Variants in AIF1L observed in about 807,000 individuals in gnomAD.
The protein encoded by AIF1L is allograft inflammatory factor 1-like.
Under a neutral mutation model 20.7 loss-of-function variants are expected in AIF1L, and 12 were observed. The ratio of observed to expected loss-of-function variants is 0.58; its 90% confidence interval spans 0.37 to 0.94. The LOEUF (loss-of-function observed/expected upper bound fraction) is 0.94, where lower values mean the gene tolerates loss of function less well. AIF1L is among the 40% of genes least tolerant of loss of function. AIF1L has a pLI of 0.01. For synonymous variants in AIF1L, 76 were observed against 65.1 expected (o/e 1.17, Z -0.81); for missense variants, 173 against 185.3 (o/e 0.93, Z 0.39).
intron 2 of AIF1L, 43 bp downstream of exon 2, chr9:131,096,906 C>T: frequency 6.7e-7 from 1 of 1,496,468 alleles, no homozygotes. Context: ...CCGAGCCGCG[C>T]GCTGCGCGGG....
intron 2 of AIF1L, among the ~76,000 whole-genome samples, chr9:131,097,405 G>T (rs538729395): frequency 6.6e-6 from 1 of 151,516 alleles, no homozygotes; most frequent in Non-Finnish European, 1.5e-5. Context: ...TTGTTATAAG[G>T]GATTCAAAAG....
intron 2 of AIF1L, among the ~76,000 whole-genome samples, chr9:131,104,434 C>T (rs1417439289): frequency 1.3e-5 from 2 of 152,240 alleles, no homozygotes; most frequent in African/African-American, 4.8e-5. Flanking sequence ...AGGTAACTCC[C>T]AGTATTGACT....
At chr9:131,096,746 G>A in intron 1 of AIF1L, 56 bp from the exon 2 acceptor site, 1 of 1,491,404 alleles carries the variant, frequency 6.7e-7, no homozygotes, top group Non-Finnish European at 8.9e-7. Context: ...GCGGGGACGG[G>A]GGCGCGTGGC....
intron 4 of AIF1L, among the ~76,000 whole-genome samples, chr9:131,115,974 CAA>C (rs148734354): frequency 3.0e-4 from 25 of 82,196 alleles, no homozygotes; most frequent in Admixed American, 8.6e-4. Flanking sequence ...GACTTCGTCT[CAA>C]AAAAAAAAAA....
intron 4 of AIF1L, 52 bp downstream of exon 4, chr9:131,114,670 G>T (rs533042982): frequency 6.2e-7 from 1 of 1,607,008 alleles, no homozygotes; most frequent in East Asian, 2.2e-5. Flanking sequence ...GTGGGTAGAG[G>T]GCTTGAGGGA....
intron 3 of AIF1L, among the ~76,000 whole-genome samples, chr9:131,113,042 C>T (rs959952142): frequency 9.2e-5 from 14 of 152,102 alleles, no homozygotes; most frequent in Admixed American, 2.6e-4. Flanking sequence ...GCAGCTCCCA[C>T]CCGGGAGCCT....
At chr9:131,113,381 C>T (rs961831593) in intron 3 of AIF1L, among the ~76,000 whole-genome samples, 1 of 151,608 alleles carries the variant, frequency 6.6e-6, no homozygotes, top group East Asian at 1.9e-4. Flanking sequence ...GCCTGTAATG[C>T]CAGCTACTCG....
rs368676925 is a variant in AIF1L, at chr9:131,111,654, G to A, written c.151G>A (p.Ala51Thr). The A allele has an allele frequency of 5.5e-5, 89 of 1,613,878 alleles. No homozygotes were observed. The Middle Eastern group carries it at 9.9e-4, about 18-fold the overall frequency. The change falls in exon 3 of 6, where the codon GCC (alanine) becomes ACC (threonine). Residue 51 changes from alanine (A) to threonine (T), a missense_variant. Ala to Thr is a moderately conservative substitution (Grantham distance 58). Coordinates refer to ENST00000247291, the MANE Select transcript of AIF1L (RefSeq NM_031426.4). ...AGAGAACCTTCCAGAAAAGCTCACA[G>A]CCTTCAAAGGTAAGCTGGGGCGGGC... is the stretch of plus-strand genomic sequence containing the variant. ...DEENLPEKLT[A>T]FKEKYMEFDL...
At chr9:131,104,435 A>G (rs911277898) in intron 2 of AIF1L, among the ~76,000 whole-genome samples, 3 of 152,232 alleles carry the variant, frequency 2.0e-5, no homozygotes, top group Non-Finnish European at 4.4e-5. Context: ...GGTAACTCCC[A>G]GTATTGACTT....
intron 2 of AIF1L, among the ~76,000 whole-genome samples, chr9:131,104,595 G>A (rs759621043): frequency 6.6e-6 from 1 of 152,174 alleles, no homozygotes; most frequent in Non-Finnish European, 1.5e-5. Context: ...CTGGAAAGAG[G>A]AGAGAGAAAT....
At chr9:131,111,462 G>C in intron 2 of AIF1L, 135 bp from the exon 3 acceptor site, 1 of 771,068 alleles carries the variant, frequency 1.3e-6, no homozygotes, top group Non-Finnish European at 2.2e-6. Context: ...CAGGAAGCCG[G>C]GGTGAACAAG....
At chr9:131,104,197 A>G (rs1830695221) in intron 2 of AIF1L, among the ~76,000 whole-genome samples, 2 of 152,186 alleles carry the variant, frequency 1.3e-5, no homozygotes, top group Non-Finnish European at 2.9e-5. Context: ...CTGCATGTCA[A>G]TAGCCACTTT....
At chr9:131,111,729 C>G in intron 3 of AIF1L, 66 bp downstream of exon 3, 1 of 1,461,168 alleles carries the variant, frequency 6.8e-7, no homozygotes, top group Non-Finnish European at 9.6e-7. Context: ...CATCCTTGCA[C>G]ACAGGACCCC....
rs140664895 is a variant in AIF1L at position 131,110,692 on chromosome 9, G to A, written c.94-905G>A. On this transcript the variant is annotated intron_variant, in intron 2 of 5. Transcript: ENST00000247291. ...CTAATTTTTGTATTTTTATAGAGAC[G>A]GGGTTTCACTATGTTGGCCAGGCTG... 4.6e-5 allele frequency among the ~76,000 whole-genome samples: 7 copies of A among 151,346 alleles called. No individual in the cohort carries two copies. In the East Asian group the frequency reaches 9.9e-4, roughly 21 times the overall value.
intron 5 of AIF1L, among the ~76,000 whole-genome samples, chr9:131,118,377 G>C (rs1205560384): frequency 6.6e-6 from 1 of 152,104 alleles, no homozygotes. Flanking sequence ...ATAGGCGTGA[G>C]CCACCACACC....
chr9:131,104,124 C>G (rs1830693942), intron 2 of AIF1L, among the ~76,000 whole-genome samples: 1 of 152,218 alleles, frequency 6.6e-6, no homozygotes, highest in Non-Finnish European at 1.5e-5. Context: ...CTCCTGCCCG[C>G]TTGCATTTCC....
chr9:131,107,021 AG>A (rs1423501616), intron 2 of AIF1L, among the ~76,000 whole-genome samples: 1 of 152,126 alleles, frequency 6.6e-6, no homozygotes, highest in Non-Finnish European at 1.5e-5. Flanking sequence ...TGAACTCGGG[AG>A]GGGGAAGTTG....
At chr9:131,118,183 C>T (rs917993495) in intron 5 of AIF1L, among the ~76,000 whole-genome samples, 2 of 152,116 alleles carry the variant, frequency 1.3e-5, no homozygotes, top group African/African-American at 2.4e-5. Context: ...ACCTCCGCCT[C>T]CTGGGTTCAA....
At chr9:131,102,867 C>T (rs1830667754) in intron 2 of AIF1L, 1 of 456,288 alleles carries the variant, frequency 2.2e-6, no homozygotes, top group Non-Finnish European at 4.4e-6. Context: ...AGGCCTGAGC[C>T]ACCAGCCCCT....
Sources: gnomAD v4.1 joint callset for allele counts (sites outside exome capture counted in the v4.1 genomes callset) on GRCh38, gnomAD v4.1.1 for gene constraint, MANE v1.5 for transcripts, NCBI Gene and HGNC (gene_info 2026-07-23, HGNC 2026-07-21) for gene names.